PDE7B: variants seen among roughly 807,000 people sequenced by gnomAD.
PDE7B encodes the protein phosphodiesterase 7B.
A neutral mutation model predicts 56.2 loss-of-function variants in PDE7B; 29 were observed. The ratio of observed to expected loss-of-function variants is 0.52; its 90% CI spans 0.38 to 0.70. The LOEUF (loss-of-function observed/expected upper bound fraction) is 0.70, where lower values mean the gene tolerates loss of function less well. PDE7B is among the 30% of genes least tolerant of loss of function. The pLI is 0.00. For missense variants in PDE7B, 490 were observed against 565.0 expected (o/e 0.87, Z 1.35); for synonymous variants, 197 against 196.9 (o/e 1.00, Z 0.00).
intron 2 of PDE7B, among the ~76,000 whole-genome samples, chr6:135,985,878 G>T (rs1054048359): frequency 6.6e-6 from 1 of 152,116 alleles, no homozygotes; most frequent in Non-Finnish European, 1.5e-5. Flanking sequence ...CCTTGACAAC[G>T]TGTTTTCTGT....
At chr6:136,150,206 A>G (rs982334048) in intron 5 of PDE7B, among the ~76,000 whole-genome samples, 1 of 152,348 alleles carries the variant, frequency 6.6e-6, no homozygotes, top group East Asian at 1.9e-4. Context: ...TATATGAAGT[A>G]TATACCACAC....
At chr6:135,935,128 G>A (rs1257520430) in intron 1 of PDE7B, among the ~76,000 whole-genome samples, 1 of 86,052 alleles carries the variant, frequency 1.2e-5, no homozygotes, top group African/African-American at 4.9e-5. Flanking sequence ...AGAGAGAGAT[G>A]AAGTATATAT....
chr6:135,897,088 A>G (rs1775915746), intron 1 of PDE7B, among the ~76,000 whole-genome samples: 1 of 152,134 alleles, frequency 6.6e-6, no homozygotes, highest in Non-Finnish European at 1.5e-5. Context: ...TGCCACAATG[A>G]TCAACTTTAG....
intron 11 of PDE7B, among the ~76,000 whole-genome samples, chr6:136,184,904 A>C (rs1779120210): frequency 6.6e-6 from 1 of 152,184 alleles, no homozygotes; most frequent in Admixed American, 6.5e-5. Flanking sequence ...ATTTAAGAGG[A>C]AGAAACAAGC....
intron 2 of PDE7B, among the ~76,000 whole-genome samples, chr6:136,077,960 C>G (rs1242703667): frequency 6.6e-6 from 1 of 152,202 alleles, no homozygotes; most frequent in East Asian, 1.9e-4. Context: ...CTTCCTGATT[C>G]TAATCTCATC....
intron 8 of PDE7B, among the ~76,000 whole-genome samples, chr6:136,161,704 G>C (rs1778706243): frequency 6.6e-6 from 1 of 152,094 alleles, no homozygotes; most frequent in African/African-American, 2.4e-5. Context: ...ATCAGATATT[G>C]ACCAAAAATT....
At chr6:135,861,282 T>C (rs1775140248) in intron 1 of PDE7B, among the ~76,000 whole-genome samples, 1 of 151,814 alleles carries the variant, frequency 6.6e-6, no homozygotes, top group Admixed American at 6.6e-5. Context: ...TATATCCAAA[T>C]TTAGTAAAAA....
intron 3 of PDE7B, among the ~76,000 whole-genome samples, chr6:136,126,509 T>C (rs1218466018): frequency 6.6e-6 from 1 of 152,150 alleles, no homozygotes; most frequent in Non-Finnish European, 1.5e-5. Context: ...ACGTGTATGT[T>C]TATAGTAGCA....
At chr6:135,904,829 G>C (rs1158992399) in intron 1 of PDE7B, among the ~76,000 whole-genome samples, 1 of 152,176 alleles carries the variant, frequency 6.6e-6, no homozygotes, top group Non-Finnish European at 1.5e-5. Context: ...CACAAGATAT[G>C]ACTCACTGCT....
At chr6:135,909,880 CGCA>C (rs1562435307) in intron 1 of PDE7B, among the ~76,000 whole-genome samples, 1 of 152,044 alleles carries the variant, frequency 6.6e-6, no homozygotes, top group African/African-American at 2.4e-5. Context: ...CCTCGGCAAA[CGCA>C]GGTGTGATCT....
intron 2 of PDE7B, among the ~76,000 whole-genome samples, chr6:135,954,483 A>T (rs1774754177): frequency 6.6e-6 from 1 of 152,208 alleles, no homozygotes; most frequent in African/African-American, 2.4e-5. Flanking sequence ...AGGTTACAAG[A>T]TAAGAAAAAG....
At chr6:135,984,241 A>G (rs183902663) in intron 2 of PDE7B, among the ~76,000 whole-genome samples, 17 of 152,308 alleles carry the variant, frequency 1.1e-4, no homozygotes, top group Admixed American at 1.1e-3. Context: ...AAGACATCGA[A>G]GTTATTCATC....
chr6:136,075,079 G>T (rs1187132222), intron 2 of PDE7B, among the ~76,000 whole-genome samples: 1 of 152,172 alleles, frequency 6.6e-6, no homozygotes, highest in African/African-American at 2.4e-5. Context: ...AATTAATCAA[G>T]ATTTTTGTTA....
intron 2 of PDE7B, among the ~76,000 whole-genome samples, chr6:136,077,086 CAG>C (rs1276941534): frequency 8.2e-6 from 1 of 121,812 alleles, no homozygotes; most frequent in African/African-American, 3.3e-5. Flanking sequence ...AGGATATAAA[CAG>C]AGAAGTGGGA....
chr6:136,180,079 T>G (rs1250149647), intron 10 of PDE7B, among the ~76,000 whole-genome samples: 4 of 152,212 alleles, frequency 2.6e-5, no homozygotes, highest in African/African-American at 9.6e-5. Flanking sequence ...CTCATCTAGA[T>G]AGATGAGATG....
At chr6:135,913,142 T>G (rs1776240568) in intron 1 of PDE7B, among the ~76,000 whole-genome samples, 1 of 152,222 alleles carries the variant, frequency 6.6e-6, no homozygotes, top group Admixed American at 6.5e-5. Context: ...ATCTTTTTAA[T>G]CTACAAAACA....
chr6:135,879,205 A>G (rs1775558801), intron 1 of PDE7B, among the ~76,000 whole-genome samples: 1 of 152,138 alleles, frequency 6.6e-6, no homozygotes, highest in Non-Finnish European at 1.5e-5. Context: ...ACAGAGATGA[A>G]TAAGAAGCCT....
chr6:135,912,186 G>C (rs1427254055), intron 1 of PDE7B, among the ~76,000 whole-genome samples: 1 of 152,078 alleles, frequency 6.6e-6, no homozygotes, highest in East Asian at 1.9e-4. Flanking sequence ...TAAGAGTTTG[G>C]CATCACTGGA....
chr6:136,176,257 AAAT>A (rs1778975365), intron 9 of PDE7B, among the ~76,000 whole-genome samples: 1 of 152,026 alleles, frequency 6.6e-6, no homozygotes, highest in South Asian at 2.1e-4. Context: ...CACCTAATTA[AAAT>A]AATTTTATTT....
Sources: gnomAD v4.1 joint callset for allele counts (sites outside exome capture counted in the v4.1 genomes callset) on GRCh38, gnomAD v4.1.1 for gene constraint, MANE v1.5 for transcripts, NCBI Gene and HGNC (gene_info 2026-07-23, HGNC 2026-07-21) for gene names.